Variants in POM121L2 observed in about 807,000 individuals in gnomAD.
The protein encoded by POM121L2 is POM121 transmembrane nucleoporin like 2.
For synonymous variants in POM121L2, 459 were observed against 483.8 expected (o/e 0.95, Z 0.67); for missense variants, 1,167 against 1,260.3 (o/e 0.93, Z 1.12).
rs552311882 is a variant in POM121L2, at chr6:27,310,078, G to A, written c.2093C>T (p.Thr698Ile). ...AAGGACCTGGGTAAACATGGTGACT[G>A]TATGCACAGTAGGAATTGTAGGATG... is the stretch of plus-strand genomic sequence containing the variant. ...HHHPTIPTVH[T>I]VTMFTQVLSS... Residue 698 changes from threonine to isoleucine, a missense_variant, in exon 1 of 1, where the codon ACA becomes ATA. Transcript: ENST00000444565. The A allele has an allele frequency of 1.7e-5, 26 of 1,552,098 alleles. No individual in the cohort carries two copies. Among genetic ancestry groups the A allele is most frequent in the African/African-American group, 2.7e-5 (2 of 73,074 alleles).
In POM121L2 at chr6:27,309,796, A is replaced by G. The variant is rs1287801458; in HGVS notation, c.2375T>C (p.Met792Thr). 7 of 1,551,674 alleles carry G rather than the reference A, an allele frequency of 4.5e-6. No individual in the cohort carries two copies. Among genetic ancestry groups the G allele is most frequent in the African/African-American group, 4.1e-5 (3 of 73,060 alleles). Residue 792 changes from methionine to threonine, a missense_variant, in exon 1 of 1, where the codon ATG becomes ACG. Met to Thr is a moderately conservative substitution (Grantham distance 81). Transcript: ENST00000444565. ...QKQGPSQPAL[M>T]PSVSSSFLFG... ...AAGAAAAGAACTACTGACACTTGGC[A>G]TAAGGGCTGGCTGGGAAGGCCCTTG...
At position 27,310,316 on chromosome 6, in the gene POM121L2, C is replaced by T. The variant is rs1235016057; in HGVS notation, c.1855G>A (p.Ala619Thr). The T allele has an allele frequency of 5.8e-6, 9 of 1,552,100 alleles. No individual in the cohort carries two copies. The highest frequency in any genetic ancestry group is 7.8e-6 in the Non-Finnish European group (9 of 1,147,114). Residue 619 changes from alanine (A) to threonine (T), a missense_variant, in exon 1 of 1, where the codon GCC (alanine) becomes ACC (threonine). By Grantham distance (58) the Ala-to-Thr change is moderately conservative. Transcript: ENST00000444565. The stretch of plus-strand genomic sequence containing the variant: ...GTGGTGGACATGACCACAGAGGTGG[C>T]CTTGACCAGGCCATGGAAATGATGG... ...STHHFHGLVKATSVVMSTTLA... is the reference protein window; with the variant it reads ...STHHFHGLVKTTSVVMSTTLA...
Position 27,310,444 on chromosome 6 carries a change from G to C in POM121L2, c.1727C>G (p.Thr576Ser). ...TATGCTGCCAAAGATAGGCTTGAAG[G>C]TAGGAGTTAAGGTACCCTGAATTGT... is the stretch of plus-strand genomic sequence containing the variant. ...LSTIQGTLTP[T>S]FKPIFGSIDP... Residue 576 changes from threonine (T) to serine (S), a missense_variant, in exon 1 of 1, where the codon ACC becomes AGC. Physicochemically the swap from Thr to Ser is moderately conservative, Grantham distance 58 (BLOSUM62 1). Transcript: ENST00000444565. 1.3e-6 allele frequency: 2 copies of C among 1,552,260 alleles called. No homozygotes were observed. The highest frequency in any genetic ancestry group is 1.7e-6 in the Non-Finnish European group (2 of 1,147,116).
Position 27,310,417 on chromosome 6 carries a change from T to C in POM121L2, c.1754A>G (p.Asp585Gly). The stretch of plus-strand genomic sequence containing the variant: ...TATCATGGGCGTAGTTTTAAGTGGA[T>C]CTATGCTGCCAAAGATAGGCTTGAA... ...PTFKPIFGSI[D>G]PLKTTPMIAP... Residue 585 changes from aspartate to glycine, a missense_variant, in exon 1 of 1, where the codon GAT becomes GGT. Coordinates refer to ENST00000444565, the MANE Select transcript of POM121L2 (RefSeq NM_033482.4). The C allele has an allele frequency of 6.4e-7, 1 of 1,552,152 alleles. No homozygotes were observed. The highest frequency in any genetic ancestry group is 8.7e-7 in the Non-Finnish European group (1 of 1,147,102).
Position 27,310,146 on chromosome 6 carries a change from G to A in POM121L2, c.2025C>T (p.Ala675=), listed in dbSNP as rs760877632. The change falls in exon 1 of 1, where the codon GCC becomes GCT. Residue 675 remains alanine (A), a synonymous_variant. Coordinates refer to ENST00000444565, the MANE Select transcript of POM121L2 (RefSeq NM_033482.4). The stretch of plus-strand genomic sequence containing the variant: ...TGAATCCTGTGGCTGGGGTGAAGTC[G>A]GCCCTGAAGGCCTGAGCAGTCCCAA... The part of the protein sequence containing the change: ...FLLGTAQAFR[A]DFTPATGFIF... 27 of 1,551,892 alleles carry A rather than the reference G, an allele frequency of 1.7e-5. No homozygotes were observed. Among genetic ancestry groups the A allele is most frequent in the Middle Eastern group, 1.7e-4 (1 of 5,990 alleles).
In POM121L2 at chr6:27,312,249, G is replaced by A. The variant is rs527685996; in HGVS notation, c.-79C>T. 2 of 876,808 alleles carry A rather than the reference G, an allele frequency of 2.3e-6. No individual in the cohort carries two copies. The highest frequency in any genetic ancestry group is 3.3e-6 in the Non-Finnish European group (2 of 600,284). 54.3% of individuals were successfully genotyped at this position (876,808 alleles called of 1,614,324 possible). On this transcript the variant is annotated 5_prime_UTR_variant, in exon 1 of 1. Coordinates refer to ENST00000444565, the MANE Select transcript of POM121L2 (RefSeq NM_033482.4). This position sits in a 1 kb window ranked among gnomAD's most constrained non-coding sequence, Gnocchi z 6.7. ...TTTCGGACGTCTGCAGAATCGGACA[G>A]AGTCGAAGAGCGCAGTGTTCGGTTG...
At position 27,311,430 on chromosome 6, in the gene POM121L2, G is replaced by A; in HGVS notation, c.741C>T (p.Gly247=). Residue 247 remains glycine, a synonymous_variant, in exon 1 of 1, where the codon GGC becomes GGT. Coordinates refer to ENST00000444565, the MANE Select transcript of POM121L2 (RefSeq NM_033482.4). ...TAGCATTCCTTTTGGAGCTGAGGGT[G>A]CCACCTCTGTATATGCTGGCCAAGG... ...MSSLASIYRG[G]TLSSKRNAIG... The A allele has an allele frequency of 6.4e-7, 1 of 1,551,810 alleles. No individual in the cohort carries two copies. Among genetic ancestry groups the A allele is most frequent in the South Asian group, 1.2e-5 (1 of 84,066 alleles).
Position 27,309,432 on chromosome 6 carries a change from G to A in POM121L2, c.2739C>T (p.Ser913=). 6.4e-7 allele frequency: 1 copy of A among 1,551,502 alleles called. No homozygotes were observed. Among genetic ancestry groups the A allele is most frequent in the East Asian group, 2.4e-5 (1 of 40,918 alleles). ...SGIIMTGPDM[S]PTSGAFSIGA... ...CAATGCTGAAAGCTCCAGAGGTGGGGCTCATGTCTGGACCAGTCATTATGA... is the reference window on the plus strand; with the variant it reads ...CAATGCTGAAAGCTCCAGAGGTGGGACTCATGTCTGGACCAGTCATTATGA... The change falls in exon 1 of 1, where the codon AGC becomes AGT. Residue 913 remains serine, a synonymous_variant. Coordinates refer to ENST00000444565, the MANE Select transcript of POM121L2 (RefSeq NM_033482.4).
At position 27,309,388 on chromosome 6, in the gene POM121L2, G is replaced by C. The variant is rs1220794244; in HGVS notation, c.2783C>G (p.Thr928Ser). Residue 928 changes from threonine to serine, a missense_variant, in exon 1 of 1, where the codon ACC (threonine) becomes AGC (serine). Physicochemically the swap from Thr to Ser is moderately conservative, Grantham distance 58 (BLOSUM62 1). Coordinates refer to ENST00000444565, the MANE Select transcript of POM121L2 (RefSeq NM_033482.4). ...TCCAAAGGGGATCATGGTGTTAGTG[G>C]TCCCACTAGGCAATGCTCCAATGCT... Reference protein sequence around the residue: ...AFSIGALPSGTTNTMIPFGKG... With the variant: ...AFSIGALPSGSTNTMIPFGKG... 6.4e-7 allele frequency: 1 copy of C among 1,551,584 alleles called. No homozygotes were observed. Among genetic ancestry groups the C allele is most frequent in the East Asian group, 2.4e-5 (1 of 40,918 alleles).
rs932534857 is a variant in POM121L2, at chr6:27,312,017, G to T, written c.154C>A (p.Arg52=). Residue 52 remains arginine, a synonymous_variant, in exon 1 of 1, where the codon CGG becomes AGG. Transcript: ENST00000444565. The surrounding 1 kb of genome is among the most constrained non-coding windows in gnomAD (Gnocchi z 6.7). ...GGCCGCCTCCTCACAGGTCTATACC[G>T]TGGGGCAGGGTGGGCGCGGTGGACG... ...QFVHRAHPAP[R]YRPVRRRPNL... is the part of the protein sequence containing the mutation. 4 of 1,536,122 alleles carry T rather than the reference G, an allele frequency of 2.6e-6. No individual in the cohort carries two copies.
Position 27,310,608 on chromosome 6 carries a change from T to C in POM121L2, c.1563A>G (p.Ala521=). Residue 521 remains alanine, a synonymous_variant, in exon 1 of 1, where the codon GCA becomes GCG. Transcript: ENST00000444565. ...CAGAAGTTGCATCAGGAGGTGCAGA[T>C]GCAGAAAGATGGGATGTTGGGCTAC... ...MVSSPTSHLS[A]SAPPDATSAH... 9 of 1,551,938 alleles carry C rather than the reference T, an allele frequency of 5.8e-6. No individual in the cohort carries two copies. The highest frequency in any genetic ancestry group is 7.8e-6 in the Non-Finnish European group (9 of 1,147,038).
Position 27,308,952 on chromosome 6 carries a change from G to A in POM121L2, c.*111C>T, listed in dbSNP as rs1235126374. On this transcript the variant is annotated 3_prime_UTR_variant, in exon 1 of 1. Coordinates refer to ENST00000444565, the MANE Select transcript of POM121L2 (RefSeq NM_033482.4). ...AGGACACACAGTGTGAACATCTAAA[G>A]CTCCAGTTTTAGATCTGGAGTATGT... The A allele has an allele frequency of 1.4e-5, 11 of 807,454 alleles. No individual in the cohort carries two copies. The Admixed American group carries it at 2.6e-4, about 19-fold the overall frequency. 50.0% of individuals were successfully genotyped at this position (807,454 alleles called of 1,614,324 possible). A position where few individuals can be genotyped will look rare whatever the true frequency, so the allele number is the denominator to read the frequency against.
In POM121L2 at chr6:27,310,842, T is replaced by C; in HGVS notation, c.1329A>G (p.Pro443=). ...SPLKTPSLPT[P]PGCSQSELLP... ...GGAGCTCTGACTGTGAGCACCCAGG[T>C]GGGGTCGGTAGGCTGGGTGTCTTCA... Residue 443 remains proline (P), a synonymous_variant, in exon 1 of 1, where the codon CCA becomes CCG. Transcript: ENST00000444565. 1 of 1,551,578 alleles carries C rather than the reference T, an allele frequency of 6.4e-7. No individual in the cohort carries two copies. Among genetic ancestry groups the C allele is most frequent in the Non-Finnish European group, 8.7e-7 (1 of 1,146,934 alleles).
At position 27,311,157 on chromosome 6, in the gene POM121L2, G is replaced by A; in HGVS notation, c.1014C>T (p.Pro338=). The A allele has an allele frequency of 6.4e-7, 1 of 1,551,918 alleles. No individual in the cohort carries two copies. The highest frequency in any genetic ancestry group is 8.7e-7 in the Non-Finnish European group (1 of 1,147,062). Residue 338 remains proline (P), a synonymous_variant, in exon 1 of 1, where the codon CCC becomes CCT. Coordinates refer to ENST00000444565, the MANE Select transcript of POM121L2 (RefSeq NM_033482.4). The part of the protein sequence containing the change: ...PENLVSEIPP[P]QLGYAVSDEN... ...CATCAGAGACTGCATAACCAAGCTGGGGAGGTGGGATCTCTGACACCAGGT... is the reference window on the plus strand; with the variant it reads ...CATCAGAGACTGCATAACCAAGCTGAGGAGGTGGGATCTCTGACACCAGGT...
Position 27,310,337 on chromosome 6 carries a change from G to A in POM121L2, c.1834C>T (p.His612Tyr). The change falls in exon 1 of 1, where the codon CAT (histidine) becomes TAT (tyrosine). Residue 612 changes from histidine to tyrosine, a missense_variant. Physicochemically the swap from His to Tyr is moderately conservative, Grantham distance 83. Coordinates refer to ENST00000444565, the MANE Select transcript of POM121L2 (RefSeq NM_033482.4). ...PPPFTHASTH[H>Y]FHGLVKATSV... ...GTGGCCTTGACCAGGCCATGGAAAT[G>A]ATGGGTAGAAGCATGAGTAAATGGA... is the stretch of plus-strand genomic sequence containing the variant. The A allele has an allele frequency of 6.4e-7, 1 of 1,552,274 alleles. No individual in the cohort carries two copies. Among genetic ancestry groups the A allele is most frequent in the Non-Finnish European group, 8.7e-7 (1 of 1,147,114 alleles).
Position 27,312,019 on chromosome 6 carries a change from G to T in POM121L2, c.152C>A (p.Pro51Gln). 1 of 1,537,094 alleles carries T rather than the reference G, an allele frequency of 6.5e-7. No homozygotes were observed. Among genetic ancestry groups the T allele is most frequent in the Non-Finnish European group, 8.8e-7 (1 of 1,137,860 alleles). ...VQFVHRAHPA[P>Q]RYRPVRRRPN... ...CCGCCTCCTCACAGGTCTATACCGT[G>T]GGGCAGGGTGGGCGCGGTGGACGAA... Residue 51 changes from proline to glutamine, a missense_variant, in exon 1 of 1, where the codon CCA (proline) becomes CAA (glutamine). Coordinates refer to ENST00000444565, the MANE Select transcript of POM121L2 (RefSeq NM_033482.4). The surrounding 1 kb of genome is among the most constrained non-coding windows in gnomAD (Gnocchi z 6.7).
chr6:27,310,494 T>C lies in POM121L2; in HGVS notation c.1677A>G (p.Ala559=), dbSNP rs1295733696. Residue 559 remains alanine, a synonymous_variant, in exon 1 of 1, where the codon GCA becomes GCG. Coordinates refer to ENST00000444565, the MANE Select transcript of POM121L2 (RefSeq NM_033482.4). The stretch of plus-strand genomic sequence containing the variant: ...TGGAAAGGGAAGAGATTGAAGATGC[T>C]GCAGCTGTGACTGAAATTCTGGAAT... ...SSYSRISVTA[A]ASSISSLSTI... 6 of 1,552,336 alleles carry C rather than the reference T, an allele frequency of 3.9e-6. No individual in the cohort carries two copies. Among genetic ancestry groups the C allele is most frequent in the Non-Finnish European group, 5.2e-6 (6 of 1,147,130 alleles).
rs1323137600 is a variant in POM121L2 at position 27,309,966 on chromosome 6, G to C, written c.2205C>G (p.Ser735=). The C allele has an allele frequency of 6.4e-7, 1 of 1,551,704 alleles. No homozygotes were observed. Among genetic ancestry groups the C allele is most frequent in the Non-Finnish European group, 8.7e-7 (1 of 1,147,036 alleles). Residue 735 remains serine (S), a synonymous_variant, in exon 1 of 1, where the codon TCC becomes TCG. Coordinates refer to ENST00000444565, the MANE Select transcript of POM121L2 (RefSeq NM_033482.4). ...GSPLPASALV[S]TNWLASTPSI... ...TGGGGGTTGATGCAAGCCAGTTTGTGGATACTAGGGCAGAGGCAGGCAGAG... is the reference window on the plus strand; with the variant it reads ...TGGGGGTTGATGCAAGCCAGTTTGTCGATACTAGGGCAGAGGCAGGCAGAG...
chr6:27,310,513 C>T lies in POM121L2; in HGVS notation c.1658G>A (p.Arg553Lys). 6.4e-7 allele frequency: 1 copy of T among 1,552,286 alleles called. No individual in the cohort carries two copies. The highest frequency in any genetic ancestry group is 1.4e-5 in the African/African-American group (1 of 73,170). The change falls in exon 1 of 1, where the codon AGA becomes AAA. Residue 553 changes from arginine (R) to lysine (K), a missense_variant. Coordinates refer to ENST00000444565, the MANE Select transcript of POM121L2 (RefSeq NM_033482.4). ...AGATGCTGCAGCTGTGACTGAAATT[C>T]TGGAATATGAGGAGCTTCCAATCTC... ...NSEIGSSSYSRISVTAAASSI... is the reference protein window; with the variant it reads ...NSEIGSSSYSKISVTAAASSI...
Sources: allele counts gnomAD v4.1 joint callset, GRCh38; gene constraint gnomAD v4.1.1; non-coding constraint Gnocchi (gnomAD v3.1); transcripts MANE v1.5; gene names NCBI Gene and HGNC (gene_info 2026-07-23, HGNC 2026-07-21).